The following TRPS1 variants were observed in gnomAD, a reference collection of about 807,000 sequenced individuals.
The protein encoded by TRPS1 is transcriptional repressor GATA binding 1.
Under a neutral mutation model 101.2 loss-of-function variants are expected in TRPS1, and 6 were observed. The ratio of observed to expected loss-of-function variants is 0.06; its 90% CI spans 0.03 to 0.12. The LOEUF (loss-of-function observed/expected upper bound fraction) is 0.12. Among genes scored for constraint, TRPS1 ranks in the 10% least tolerant of loss-of-function variants. The probability of loss-of-function intolerance (pLI) is 1.00; values close to 1 mark genes in which losing one functional copy is unlikely to be tolerated. For missense variants in TRPS1, 1,363 were observed against 1,567.0 expected, an observed-to-expected ratio of 0.87 and a Z score of 2.20; for synonymous variants, 578 against 589.8, an observed-to-expected ratio of 0.98 and a Z score of 0.29.
intron 5 of TRPS1, among the ~76,000 whole-genome samples, chr8:115,435,809 C>T (rs965051799): frequency 3.3e-5 from 5 of 152,034 alleles, no homozygotes; most frequent in Admixed American, 6.6e-5. Flanking sequence ...TATTTATAAA[C>T]GTCTTATTAC....
At position 115,619,319 on chromosome 8, in the gene TRPS1, T is replaced by G; in HGVS notation, c.779A>C (p.His260Pro). The G allele has an allele frequency of 6.2e-7, 1 of 1,614,164 alleles. No individual in the cohort carries two copies. Among genetic ancestry groups the G allele is most frequent in the Non-Finnish European group, 8.5e-7 (1 of 1,180,036 alleles). The change falls in exon 3 of 7, where the codon CAC becomes CCC. Residue 260 changes from histidine to proline, a missense_variant. By Grantham distance (77) the His-to-Pro change is moderately conservative (BLOSUM62 -2). This residue lies in a region of TRPS1 where 1,020 missense variants were observed against 1,073.0 expected (regional missense o/e 0.95). Coordinates refer to ENST00000395715, the MANE Select transcript of TRPS1 (RefSeq NM_014112.5). ...CCTGGTGCGGTTATGCAGTCCTAAG[T>G]GATACTTTCGGAAGTGCTTAATCAG... The part of the protein sequence containing the change: ...TDLIKHFRKY[H>P]LGLHNRTRQD...
At chr8:115,516,963 C>G (rs1184873489) in intron 5 of TRPS1, among the ~76,000 whole-genome samples, 1 of 151,126 alleles carries the variant, frequency 6.6e-6, no homozygotes, top group Non-Finnish European at 1.5e-5. Flanking sequence ...AGTCCTAATG[C>G]TCCTTATTTT....
intron 5 of TRPS1, among the ~76,000 whole-genome samples, chr8:115,471,752 C>A (rs904153800): frequency 1.1e-4 from 16 of 152,172 alleles, no homozygotes; most frequent in African/African-American, 3.9e-4. Flanking sequence ...TGGGTATATA[C>A]ACGTGTTCAA....
At chr8:115,567,218 T>C (rs1449668428) in intron 5 of TRPS1, among the ~76,000 whole-genome samples, 2 of 152,118 alleles carry the variant, frequency 1.3e-5, no homozygotes, top group Non-Finnish European at 2.9e-5. Context: ...GTCTCAAAAA[T>C]GCCATCAAGG....
intron 2 of TRPS1, among the ~76,000 whole-genome samples, chr8:115,623,203 C>T (rs1331762666): frequency 2.0e-5 from 3 of 151,870 alleles, no homozygotes; most frequent in African/African-American, 7.3e-5. Flanking sequence ...ATATACATTG[C>T]AAAGACTGTT....
intron 3 of TRPS1, among the ~76,000 whole-genome samples, chr8:115,616,218 T>C (rs1818273637): frequency 6.6e-6 from 1 of 152,184 alleles, no homozygotes; most frequent in Admixed American, 6.5e-5. Flanking sequence ...GAAACATTGT[T>C]ATTTGGCAGT....
In TRPS1 at chr8:115,619,522, T is replaced by C. The variant is rs563646011; in HGVS notation, c.576A>G (p.Pro192=). The change falls in exon 3 of 7, where the codon CCA becomes CCG. Residue 192 remains proline (P), a synonymous_variant. Coordinates refer to ENST00000395715, the MANE Select transcript of TRPS1 (RefSeq NM_014112.5). ...GTGGGTTTTTTGAGGCCACTGAAAC[T>C]GGGCTCAAACCTTGACAATTGGCTT... ...SGQANCQGLS[P]VSVASKNPQV... The C allele has an allele frequency of 6.2e-7, 1 of 1,614,194 alleles. No homozygotes were observed. Among genetic ancestry groups the C allele is most frequent in the African/African-American group, 1.3e-5 (1 of 75,052 alleles).
chr8:115,599,837 A>G (rs1817870277), intron 4 of TRPS1, among the ~76,000 whole-genome samples: 1 of 151,978 alleles, frequency 6.6e-6, no homozygotes, highest in Admixed American at 6.6e-5. Flanking sequence ...ATGATTTATA[A>G]TCCTTTGCGT....
chr8:115,601,449 T>C (rs1317987000), intron 4 of TRPS1, among the ~76,000 whole-genome samples: 1 of 152,170 alleles, frequency 6.6e-6, no homozygotes, highest in Non-Finnish European at 1.5e-5. Flanking sequence ...TCGAGTTTCT[T>C]TATCTTTTCT....
chr8:115,617,473 G>T (rs536863931), intron 3 of TRPS1, among the ~76,000 whole-genome samples: 4 of 152,262 alleles, frequency 2.6e-5, no homozygotes, highest in Non-Finnish European at 5.9e-5. Context: ...ATGGAAGTGT[G>T]TTTAAAAATC....
chr8:115,622,074 T>C (rs1034826145), intron 2 of TRPS1, among the ~76,000 whole-genome samples: 1 of 152,300 alleles, frequency 6.6e-6, no homozygotes, highest in East Asian at 1.9e-4. Flanking sequence ...AGTGAAAGTG[T>C]TGGCGTTGAG....
chr8:115,547,025 G>A (rs945232241), intron 5 of TRPS1, among the ~76,000 whole-genome samples: 1 of 152,162 alleles, frequency 6.6e-6, no homozygotes, highest in Admixed American at 6.5e-5. Context: ...CACAGACTTT[G>A]TAATTTCCTA....
intron 5 of TRPS1, among the ~76,000 whole-genome samples, chr8:115,464,325 C>T (rs1406420417): frequency 6.6e-6 from 1 of 152,076 alleles, no homozygotes; most frequent in Non-Finnish European, 1.5e-5. Flanking sequence ...AATGGTAGGC[C>T]ATTGGATCAA....
At chr8:115,661,816 G>A (rs1424923429) in intron 1 of TRPS1, 1 of 148,706 alleles carries the variant, frequency 6.7e-6, no homozygotes, top group Non-Finnish European at 1.5e-5. Context: ...CCACTTACCA[G>A]TAAACAATCT....
intron 5 of TRPS1, among the ~76,000 whole-genome samples, chr8:115,424,470 G>T (rs144848681): frequency 2.3e-4 from 35 of 152,318 alleles, no homozygotes; most frequent in Admixed American, 6.5e-4. Context: ...CACAGCGTGA[G>T]ACAAACATGG....
chr8:115,453,836 T>C (rs540497571), intron 5 of TRPS1, among the ~76,000 whole-genome samples: 1 of 152,360 alleles, frequency 6.6e-6, no homozygotes, highest in East Asian at 1.9e-4. Context: ...AAAATTTTGT[T>C]GTGGTGTATA....
chr8:115,433,155 G>A (rs1198078418), intron 5 of TRPS1, among the ~76,000 whole-genome samples: 2 of 151,836 alleles, frequency 1.3e-5, no homozygotes, highest in Non-Finnish European at 1.5e-5. Context: ...GAAAGCAATC[G>A]GGATCAGAAT....
chr8:115,470,961 T>C (rs1191764270), intron 5 of TRPS1, among the ~76,000 whole-genome samples: 1 of 152,222 alleles, frequency 6.6e-6, no homozygotes, highest in Non-Finnish European at 1.5e-5. Flanking sequence ...GGGTAGCACT[T>C]ATCTGTACAA....
chr8:115,629,901 T>G (rs1178509413), intron 1 of TRPS1, among the ~76,000 whole-genome samples: 1 of 151,872 alleles, frequency 6.6e-6, no homozygotes, highest in Admixed American at 6.6e-5. Flanking sequence ...TCACAATCAG[T>G]AAACACATGT....
Sources: allele counts gnomAD v4.1 joint callset (sites outside exome capture counted in the v4.1 genomes callset), GRCh38; gene constraint gnomAD v4.1.1; regional missense constraint gnomAD v4.1.1; transcripts MANE v1.5; gene names NCBI Gene and HGNC (gene_info 2026-07-23, HGNC 2026-07-21).